Variants in IGF2BP2 observed in about 807,000 individuals in gnomAD.
IGF2BP2 encodes insulin like growth factor 2 mRNA binding protein 2.
Under a neutral mutation model 75.8 loss-of-function variants are expected in IGF2BP2, and 17 were observed. The observed-to-expected ratio is 0.22, with a 90% CI of 0.15 to 0.34. IGF2BP2 has a LOEUF of 0.34. Among genes scored for constraint, IGF2BP2 ranks in the 10% least tolerant of loss-of-function variants. The probability of loss-of-function intolerance (pLI) is 1.00; values close to 1 mark genes in which losing one functional copy is unlikely to be tolerated. For missense variants in IGF2BP2, 516 were observed against 772.4 expected (o/e 0.67, Z 3.93); for synonymous variants, 288 against 295.6 (o/e 0.97, Z 0.26).
chr3:185,795,182 C>G (rs1378723638), intron 2 of IGF2BP2, among the ~76,000 whole-genome samples: 1 of 152,184 alleles, frequency 6.6e-6, no homozygotes, highest in Non-Finnish European at 1.5e-5. Flanking sequence ...CAGGCATGAG[C>G]CACCACGCCC....
intron 2 of IGF2BP2, among the ~76,000 whole-genome samples, chr3:185,779,147 T>G (rs1008233962): frequency 6.6e-6 from 1 of 151,940 alleles, no homozygotes; most frequent in Non-Finnish European, 1.5e-5. Context: ...TTAAAACTCA[T>G]GAGTCAAAAT....
intron 2 of IGF2BP2, among the ~76,000 whole-genome samples, chr3:185,784,247 CAAGT>C (rs1254450255): frequency 7.1e-6 from 1 of 139,982 alleles, no homozygotes; most frequent in Non-Finnish European, 1.5e-5. Flanking sequence ...AATAAATAAA[CAAGT>C]AGATAGATAG....
At chr3:185,717,639 CTG>C (rs1725847478) in intron 2 of IGF2BP2, 1 of 152,348 alleles carries the variant, frequency 6.6e-6, no homozygotes, top group African/African-American at 2.4e-5. Flanking sequence ...AAGAGAAAGA[CTG>C]TGAAACAGCA....
intron 2 of IGF2BP2, among the ~76,000 whole-genome samples, chr3:185,737,522 C>T (rs1729010521): frequency 6.6e-6 from 1 of 152,026 alleles, no homozygotes; most frequent in Admixed American, 6.6e-5. Flanking sequence ...AGTAAATGTG[C>T]ACAAAGAATG....
At chr3:185,767,027 GAAAAC>G (rs1348683388) in intron 2 of IGF2BP2, among the ~76,000 whole-genome samples, 2 of 152,170 alleles carry the variant, frequency 1.3e-5, no homozygotes, top group African/African-American at 4.8e-5. Context: ...AAATAGGACT[GAAAAC>G]AAACTGCCCA....
intron 2 of IGF2BP2, among the ~76,000 whole-genome samples, chr3:185,768,481 T>G (rs1733398917): frequency 2.0e-5 from 3 of 152,214 alleles, no homozygotes; most frequent in Admixed American, 2.0e-4. Flanking sequence ...TGTTAACCCT[T>G]TTAAGTCAAT....
intron 6 of IGF2BP2, among the ~76,000 whole-genome samples, chr3:185,687,907 C>T (rs1178357978): frequency 6.6e-6 from 1 of 152,018 alleles, no homozygotes; most frequent in Non-Finnish European, 1.5e-5. Flanking sequence ...AGAGCTAACC[C>T]CACTTCTATT....
chr3:185,668,566 GT>G (rs1344183912), intron 10 of IGF2BP2, among the ~76,000 whole-genome samples: 1 of 147,076 alleles, frequency 6.8e-6, no homozygotes, highest in Non-Finnish European at 1.5e-5. Flanking sequence ...TGGGAATTCT[GT>G]GTATGACAAA....
Position 185,648,117 on chromosome 3 carries a change from C to T in IGF2BP2, c.1594-979G>A, listed in dbSNP as rs1003642743. Among the ~76,000 whole-genome samples the T allele has an allele frequency of 3.9e-5, 6 of 152,358 alleles. No individual in the cohort carries two copies. In the East Asian group the frequency reaches 9.6e-4, roughly 25 times the overall value. On this transcript the variant is annotated intron_variant, in intron 14 of 15. Transcript: ENST00000382199. ...TCTTTCGTATAAAGCTGACTCATTA[C>T]ATCTAGAACTTGGTTTTGAATTCCG... is the stretch of plus-strand genomic sequence containing the variant.
At chr3:185,719,884 T>C (rs1056253046) in intron 2 of IGF2BP2, among the ~76,000 whole-genome samples, 5 of 151,662 alleles carry the variant, frequency 3.3e-5, no homozygotes, top group African/African-American at 4.9e-5. Context: ...GGAAGAAAAG[T>C]TGGAGTATAA....
chr3:185,697,819 TA>T (rs539847254), intron 3 of IGF2BP2, among the ~76,000 whole-genome samples: 1 of 151,958 alleles, frequency 6.6e-6, no homozygotes, highest in Non-Finnish European at 1.5e-5. Context: ...ACCTCATCTC[TA>T]AAAAAATACA....
chr3:185,772,704 C>T (rs1160139003), intron 2 of IGF2BP2, among the ~76,000 whole-genome samples: 2 of 151,836 alleles, frequency 1.3e-5, no homozygotes, highest in Non-Finnish European at 2.9e-5. Flanking sequence ...GTCTCAGCCT[C>T]CCAAGTAGCT....
chr3:185,697,226 C>T (rs1181194955), intron 3 of IGF2BP2, among the ~76,000 whole-genome samples: 1 of 152,204 alleles, frequency 6.6e-6, no homozygotes, highest in African/African-American at 2.4e-5. Context: ...CTGCCTCAGC[C>T]TCCCGAGTAG....
At chr3:185,714,503 A>G (rs1725300027) in intron 2 of IGF2BP2, among the ~76,000 whole-genome samples, 1 of 152,236 alleles carries the variant, frequency 6.6e-6, no homozygotes, top group South Asian at 2.1e-4. Context: ...TAACATCAAC[A>G]CACAGTGCAA....
At chr3:185,769,527 GA>G (rs1733579559) in intron 2 of IGF2BP2, among the ~76,000 whole-genome samples, 1 of 152,066 alleles carries the variant, frequency 6.6e-6, no homozygotes, top group South Asian at 2.1e-4. Context: ...TACAGACAGA[GA>G]AATCATGGTC....
chr3:185,726,517 A>G (rs1284069270), intron 2 of IGF2BP2, among the ~76,000 whole-genome samples: 2 of 152,268 alleles, frequency 1.3e-5, no homozygotes, highest in Non-Finnish European at 2.9e-5. Context: ...TATCTACCTC[A>G]CAAAGATAAA....
chr3:185,727,702 T>C (rs1263072516), intron 2 of IGF2BP2, among the ~76,000 whole-genome samples: 1 of 152,158 alleles, frequency 6.6e-6, no homozygotes, highest in Non-Finnish European at 1.5e-5. Context: ...ATATTATAAA[T>C]TAGATGGAGT....
intron 2 of IGF2BP2, among the ~76,000 whole-genome samples, chr3:185,701,255 T>C (rs1357227191): frequency 1.3e-5 from 2 of 151,482 alleles, no homozygotes; most frequent in African/African-American, 2.4e-5. Context: ...AAATTGAGAA[T>C]ATATTCATGT....
intron 2 of IGF2BP2, among the ~76,000 whole-genome samples, chr3:185,789,852 G>A (rs1404167108): frequency 6.6e-6 from 1 of 150,462 alleles, no homozygotes; most frequent in Admixed American, 6.7e-5. Context: ...TCCTGCCTCA[G>A]CCTCCCAAGT....
Sources: allele counts gnomAD v4.1 joint callset (sites outside exome capture counted in the v4.1 genomes callset), GRCh38; gene constraint gnomAD v4.1.1; transcripts MANE v1.5; gene names NCBI Gene and HGNC (gene_info 2026-07-23, HGNC 2026-07-21).